SQLE: variants seen among roughly 807,000 people sequenced by gnomAD.
The protein encoded by SQLE is squalene epoxidase.
SQLE carries 29 observed loss-of-function variants against 60.7 expected under a neutral mutation model. The ratio of observed to expected loss-of-function variants is 0.48; its 90% confidence interval spans 0.36 to 0.65. The LOEUF is 0.65. Among genes scored for constraint, SQLE ranks in the 30% least tolerant of loss-of-function variants. SQLE has a pLI of 0.00. For missense variants in SQLE, 605 were observed against 684.1 expected, an observed-to-expected ratio of 0.88 and a Z score of 1.29; for synonymous variants, 237 against 246.8, an observed-to-expected ratio of 0.96 and a Z score of 0.37.
chr8:125,006,614 T>C (rs13259629), intron 3 of SQLE, among the ~76,000 whole-genome samples: 133,330 of 139,636 alleles, frequency 0.95, 63,708 homozygotes, highest in East Asian at 1. Flanking sequence ...GAGCGAGACT[T>C]GGTCTCAAAA....
At chr8:125,003,016 A>G (rs954970381) in intron 1 of SQLE, among the ~76,000 whole-genome samples, 160 bp from the exon 2 acceptor site, 16 of 152,188 alleles carry the variant, frequency 1.1e-4, no homozygotes, top group Non-Finnish European at 2.9e-5. Flanking sequence ...TGATTTTTAT[A>G]TATTATCTAG....
In SQLE at chr8:125,020,785, T is replaced by C; in HGVS notation, c.1446T>C (p.Asp482=). ...ALYELFSATD[D]SLHQLRKACF... is the part of the protein sequence containing the mutation. Reference sequence around the variant, plus strand: ...GATTATTTTACAATTTTATTTTAGATTCCCTGCATCAACTAAGAAAAGCCT... The same window carrying C: ...GATTATTTTACAATTTTATTTTAGACTCCCTGCATCAACTAAGAAAAGCCT... The change falls in exon 10 of 11, where the codon GAT becomes GAC. Residue 482 remains aspartate (D), a splice_region_variant and synonymous_variant. Transcript: ENST00000265896. The C allele has an allele frequency of 6.2e-7, 1 of 1,604,988 alleles. No homozygotes were observed.
In SQLE at chr8:125,021,933, T is replaced by A. The variant is rs748700568; in HGVS notation, c.1713T>A (p.Tyr571Ter). The A allele has an allele frequency of 1.9e-6, 3 of 1,596,202 alleles. No individual in the cohort carries two copies. The highest frequency in any genetic ancestry group is 2.6e-6 in the Non-Finnish European group (3 of 1,170,014). The change falls in exon 11 of 11, where the codon TAT becomes TAA. Residue 571 changes from tyrosine (Y) to a stop codon, truncating the protein, a stop_gained. Transcript: ENST00000265896. LOFTEE classifies it high-confidence loss of function. Reference sequence around the variant, plus strand: ...CTCTAATTTACTCAGAAATGAAGTATATGGTTCATTAAGCTTAAAGGGGAA... The same window carrying A: ...CTCTAATTTACTCAGAAATGAAGTAAATGGTTCATTAAGCTTAAAGGGGAA... ...IFPLIYSEMK[Y>*]MVH
chr8:124,998,847 G>C lies in SQLE; in HGVS notation c.-557G>C. ...CGAGGTTGGGCTGTACAGTGTCTCC[G>C]TCCGCGGAAAAAGAAGCCTCTGAAC... On this transcript the variant is annotated 5_prime_UTR_variant, in exon 1 of 11. Coordinates refer to ENST00000265896, the MANE Select transcript of SQLE (RefSeq NM_003129.4). 1 of 412,430 alleles carries C rather than the reference G, an allele frequency of 2.4e-6. No homozygotes were observed. Among genetic ancestry groups the C allele is most frequent in the South Asian group, 6.2e-5 (1 of 16,182 alleles). 25.5% of individuals were successfully genotyped at this position (412,430 alleles called of 1,614,324 possible). A position where few individuals can be genotyped will look rare whatever the true frequency, so the allele number is the denominator to read the frequency against.
chr8:125,007,323 G>A, intron 3 of SQLE, 68 bp from the exon 4 acceptor site: 5 of 1,203,548 alleles, frequency 4.2e-6, no homozygotes. Flanking sequence ...CTGGAGATAA[G>A]GAATTTATAT....
intron 4 of SQLE, among the ~76,000 whole-genome samples, chr8:125,007,871 A>G (rs1242405326): frequency 6.6e-6 from 1 of 152,174 alleles, no homozygotes; most frequent in Non-Finnish European, 1.5e-5. Context: ...TCTTTAGAGG[A>G]CTTCAGAATG....
chr8:125,013,356 C>CTT (rs1554588049), intron 7 of SQLE, among the ~76,000 whole-genome samples: 1 of 136,444 alleles, frequency 7.3e-6, no homozygotes, highest in Non-Finnish European at 1.5e-5. Context: ...TTTTCTTTTT[C>CTT]TTTTTTTTTT....
At chr8:125,009,680 A>G (rs1421042800) in intron 6 of SQLE, among the ~76,000 whole-genome samples, 1 of 152,060 alleles carries the variant, frequency 6.6e-6, no homozygotes, top group Admixed American at 6.6e-5. Context: ...CTGTAATCCC[A>G]GCTACTCAGG....
intron 6 of SQLE, among the ~76,000 whole-genome samples, chr8:125,010,791 T>C (rs1815027513): frequency 6.6e-6 from 1 of 152,096 alleles, no homozygotes; most frequent in African/African-American, 2.4e-5. Context: ...TTTTTCTTTT[T>C]TCCAATCCAG....
chr8:125,009,223 A>T lies in SQLE; in HGVS notation c.988A>T (p.Ser330Cys). The T allele has an allele frequency of 6.2e-7, 1 of 1,613,776 alleles. No homozygotes were observed. Among genetic ancestry groups the T allele is most frequent in the Non-Finnish European group, 8.5e-7 (1 of 1,179,830 alleles). ...TGCTGAACTTATTTTAGCTAACCCGAGTCCAGTTCTCATCTACCAGATTTC... is the reference window on the plus strand; with the variant it reads ...TGCTGAACTTATTTTAGCTAACCCGTGTCCAGTTCTCATCTACCAGATTTC... ...NHAELILANP[S>C]PVLIYQISSS... is the part of the protein sequence containing the mutation. The change falls in exon 6 of 11, where the codon AGT (serine) becomes TGT (cysteine). Residue 330 changes from serine (S) to cysteine (C), a missense_variant. Transcript: ENST00000265896.
In SQLE at chr8:125,016,868, T is replaced by C. The variant is rs1308421431; in HGVS notation, c.1205-1191T>C. 2.0e-5 allele frequency among the ~76,000 whole-genome samples: 3 copies of C among 152,206 alleles called. No homozygotes were observed. The highest frequency in any genetic ancestry group is 6.5e-5 in the Admixed American group (1 of 15,286). ...CAGTAACATTGTGACCCTTGCAGACTTGTAGAGGTACCGCCTTGGTGGTCT... is the reference window on the plus strand; with the variant it reads ...CAGTAACATTGTGACCCTTGCAGACCTGTAGAGGTACCGCCTTGGTGGTCT... On this transcript the variant is annotated intron_variant, in intron 7 of 10. Coordinates refer to ENST00000265896, the MANE Select transcript of SQLE (RefSeq NM_003129.4). The surrounding 1 kb of genome is among the most constrained non-coding windows in gnomAD (Gnocchi z 4.1).
chr8:125,005,674 A>T lies in SQLE; in HGVS notation c.694A>T (p.Ser232Cys). 1 of 1,604,036 alleles carries T rather than the reference A, an allele frequency of 6.2e-7. No individual in the cohort carries two copies. The highest frequency in any genetic ancestry group is 8.5e-7 in the Non-Finnish European group (1 of 1,173,148). Residue 232 changes from serine to cysteine, a missense_variant, in exon 3 of 11, where the codon AGT becomes TGT. Transcript: ENST00000265896. Reference protein sequence around the residue: ...RAFHHGRFIMSLRKAAMAEPN... With the variant: ...RAFHHGRFIMCLRKAAMAEPN... ...TTTCCATCACGGAAGATTCATCATGAGTCTCCGGAAAGCAGCTATGGCAGA... is the reference window on the plus strand; with the variant it reads ...TTTCCATCACGGAAGATTCATCATGTGTCTCCGGAAAGCAGCTATGGCAGA...
At chr8:125,004,240 T>C (rs999347650) in intron 2 of SQLE, among the ~76,000 whole-genome samples, 1 of 152,244 alleles carries the variant, frequency 6.6e-6, no homozygotes, top group Non-Finnish European at 1.5e-5. Context: ...GACTTCATAA[T>C]GTACTTCACT....
At chr8:125,005,934 T>C (rs1443356105) in intron 3 of SQLE, among the ~76,000 whole-genome samples, 3 of 152,200 alleles carry the variant, frequency 2.0e-5, no homozygotes, top group Admixed American at 2.0e-4. Context: ...AGTTCTCCTT[T>C]GACTAAATGA....
At position 125,021,866 on chromosome 8, in the gene SQLE, G is replaced by A. The variant is rs780151281; in HGVS notation, c.1646G>A (p.Ser549Asn). 3.7e-6 allele frequency: 6 copies of A among 1,611,186 alleles called. No homozygotes were observed. Among genetic ancestry groups the A allele is most frequent in the Admixed American group, 3.4e-5 (2 of 59,644 alleles). ...ATTACAAAACCTCGAGCCCTTCTCA[G>A]TAGTGGTGCTGTATTGTACAAAGCG... ...PWITKPRALL[S>N]SGAVLYKACS... The change falls in exon 11 of 11, where the codon AGT (serine) becomes AAT (asparagine). Residue 549 changes from serine (S) to asparagine (N), a missense_variant. Physicochemically the swap from Ser to Asn is conservative, Grantham distance 46. Coordinates refer to ENST00000265896, the MANE Select transcript of SQLE (RefSeq NM_003129.4).
chr8:125,004,558 TTTAC>T (rs1458168460), intron 2 of SQLE, among the ~76,000 whole-genome samples: 4 of 152,138 alleles, frequency 2.6e-5, no homozygotes, highest in African/African-American at 4.8e-5. Flanking sequence ...TGTTTCAATT[TTTAC>T]TTAATTTTTT....
In SQLE at chr8:125,021,766, C is replaced by G; in HGVS notation, c.1546C>G (p.Pro516Ala). 1 of 1,601,600 alleles carries G rather than the reference C, an allele frequency of 6.2e-7. No individual in the cohort carries two copies. The highest frequency in any genetic ancestry group is 1.3e-5 in the African/African-American group (1 of 74,810). The change falls in exon 11 of 11, where the codon CCT (proline) becomes GCT (alanine). Residue 516 changes from proline to alanine, a missense_variant. Physicochemically the swap from Pro to Ala is conservative, Grantham distance 27. Coordinates refer to ENST00000265896, the MANE Select transcript of SQLE (RefSeq NM_003129.4). ...TTTCTATTACAGATTGTCTCCTAAC[C>G]CTCTAGTTTTAATTGGACACTTCTT... The part of the protein sequence containing the change: ...VGLLSVLSPN[P>A]LVLIGHFFAV...
intron 9 of SQLE, 24 bp downstream of exon 9, chr8:125,018,751 A>G (rs1368057304): frequency 3.5e-6 from 5 of 1,412,338 alleles, no homozygotes; most frequent in East Asian, 2.4e-5. Flanking sequence ...CTTTTTAGTG[A>G]ATATTACTCA....
chr8:125,011,740 T>G, intron 7 of SQLE, 108 bp downstream of exon 7: 2 of 917,142 alleles, frequency 2.2e-6, no homozygotes, highest in Non-Finnish European at 3.3e-6. Flanking sequence ...AGTTTGTCAC[T>G]GTGGATTAGT....
Sources: gnomAD v4.1 joint callset for allele counts (sites outside exome capture counted in the v4.1 genomes callset) on GRCh38, gnomAD v4.1.1 for gene constraint, Gnocchi (gnomAD v3.1) non-coding constraint, MANE v1.5 for transcripts, NCBI Gene and HGNC (gene_info 2026-07-23, HGNC 2026-07-21) for gene names.